Variants in SLC30A8 observed in about 807,000 individuals in gnomAD.
SLC30A8 encodes proton-coupled zinc antiporter SLC30A8.
Under a neutral mutation model 36.9 loss-of-function variants are expected in SLC30A8, and 27 were observed. The observed-to-expected ratio is 0.73, with a 90% CI of 0.54 to 1.01. SLC30A8 has a LOEUF of 1.01. SLC30A8 is among the 50% of genes least tolerant of loss of function. The probability of loss-of-function intolerance (pLI) is 0.00; values close to 1 mark genes in which losing one functional copy is unlikely to be tolerated. For missense variants in SLC30A8, 439 were observed against 452.0 expected (o/e 0.97, Z 0.26); for synonymous variants, 164 against 172.4 (o/e 0.95, Z 0.38).
At chr8:117,107,312 G>A (rs1481759790) in intron 2 of SLC30A8, among the ~76,000 whole-genome samples, 1 of 152,110 alleles carries the variant, frequency 6.6e-6, no homozygotes, top group Admixed American at 6.6e-5. Flanking sequence ...GTTTGCTTCT[G>A]CTCTTTTTAG....
chr8:117,016,641 A>G (rs1398021304), intron 1 of SLC30A8, among the ~76,000 whole-genome samples: 1 of 152,216 alleles, frequency 6.6e-6, no homozygotes, highest in Admixed American at 6.5e-5. Flanking sequence ...CACATATTTT[A>G]TATATATTTA....
intron 6 of SLC30A8, among the ~76,000 whole-genome samples, chr8:117,170,405 A>G (rs1214996478): frequency 1.3e-5 from 2 of 152,184 alleles, no homozygotes; most frequent in Non-Finnish European, 2.9e-5. Context: ...GCATCCTCCA[A>G]TGTAGCTAAA....
At chr8:116,958,489 A>T (rs1214929914) in intron 1 of SLC30A8, among the ~76,000 whole-genome samples, 1 of 152,152 alleles carries the variant, frequency 6.6e-6, no homozygotes, top group Non-Finnish European at 1.5e-5. Context: ...AGTGCTTTAA[A>T]GATGATTCTT....
chr8:117,055,880 A>T (rs773532054), intron 2 of SLC30A8: 1 of 152,174 alleles, frequency 6.6e-6, no homozygotes, highest in Non-Finnish European at 1.5e-5. Context: ...GAAACAAATG[A>T]AGAGGGATCT....
At chr8:117,109,362 T>C (rs1820127697) in intron 2 of SLC30A8, among the ~76,000 whole-genome samples, 1 of 152,158 alleles carries the variant, frequency 6.6e-6, no homozygotes, top group Non-Finnish European at 1.5e-5. Context: ...ATTTTATAAA[T>C]GAAAAAGTTG....
intron 2 of SLC30A8, among the ~76,000 whole-genome samples, chr8:117,059,566 C>T (rs1817969589): frequency 6.6e-6 from 1 of 152,180 alleles, no homozygotes; most frequent in African/African-American, 2.4e-5. Context: ...TCCTACACCC[C>T]TACTCATGAA....
At chr8:117,117,945 T>G (rs1403838423) in intron 2 of SLC30A8, among the ~76,000 whole-genome samples, 1 of 151,938 alleles carries the variant, frequency 6.6e-6, no homozygotes, top group Non-Finnish European at 1.5e-5. Context: ...AGAAATAGTG[T>G]TCTGGAAAAG....
intron 2 of SLC30A8, among the ~76,000 whole-genome samples, chr8:117,045,222 T>C (rs1817513258): frequency 6.6e-6 from 1 of 152,182 alleles, no homozygotes; most frequent in Non-Finnish European, 1.5e-5. Context: ...GTTCTGGTTT[T>C]TCTAGTGGAG....
At chr8:117,120,918 A>G (rs1021138759) in intron 2 of SLC30A8, among the ~76,000 whole-genome samples, 3 of 151,874 alleles carry the variant, frequency 2.0e-5, no homozygotes, top group Admixed American at 2.0e-4. Context: ...AATGCACCTG[A>G]AAAGCCACAA....
intron 6 of SLC30A8, among the ~76,000 whole-genome samples, chr8:117,165,276 A>G (rs1351266348): frequency 6.6e-6 from 1 of 152,224 alleles, no homozygotes; most frequent in African/African-American, 2.4e-5. Context: ...CATTATGTCT[A>G]GAACACAGTA....
intron 1 of SLC30A8, among the ~76,000 whole-genome samples, chr8:116,982,374 C>T (rs1815297792): frequency 6.6e-6 from 1 of 151,764 alleles, no homozygotes; most frequent in Non-Finnish European, 1.5e-5. Context: ...TTAAGCAAAA[C>T]AATATGTAGG....
chr8:117,154,199 A>T (rs186253432), intron 3 of SLC30A8, among the ~76,000 whole-genome samples: 14 of 152,210 alleles, frequency 9.2e-5, no homozygotes, highest in Non-Finnish European at 1.6e-4. Context: ...TCATCTAGGT[A>T]TTGATAAGGG....
chr8:117,128,494 G>T (rs1028911954), intron 2 of SLC30A8: 4 of 152,038 alleles, frequency 2.6e-5, no homozygotes, highest in Non-Finnish European at 4.4e-5. Flanking sequence ...AACACACAAA[G>T]AATTTGATAA....
At chr8:117,076,290 A>G (rs1473576390) in intron 2 of SLC30A8, among the ~76,000 whole-genome samples, 1 of 152,214 alleles carries the variant, frequency 6.6e-6, no homozygotes, top group Admixed American at 6.5e-5. Context: ...ATAAATGTCT[A>G]AAGAGGAGAA....
intron 2 of SLC30A8, among the ~76,000 whole-genome samples, chr8:117,040,485 C>T (rs1268946888): frequency 6.6e-6 from 1 of 152,162 alleles, no homozygotes; most frequent in Non-Finnish European, 1.5e-5. Flanking sequence ...AGGAAAATGG[C>T]ATTAGCTACT....
chr8:117,132,773 G>T (rs1384734304), upstream of SLC30A8, among the ~76,000 whole-genome samples: 1 of 151,992 alleles, frequency 6.6e-6, no homozygotes, highest in Non-Finnish European at 1.5e-5. Flanking sequence ...TGACGGTGCA[G>T]TTAAAATGAA....
chr8:117,110,641 A>G (rs1586534167), intron 2 of SLC30A8, among the ~76,000 whole-genome samples: 1 of 152,280 alleles, frequency 6.6e-6, no homozygotes, highest in East Asian at 1.9e-4. Flanking sequence ...GAGAGGATCA[A>G]GGAATGGGCT....
At chr8:116,992,435 G>A (rs748176688) in intron 1 of SLC30A8, among the ~76,000 whole-genome samples, 18 of 152,070 alleles carry the variant, frequency 1.2e-4, no homozygotes, top group Non-Finnish European at 1.8e-4. Context: ...GAATGTACAC[G>A]ATGAGCCCTA....
At chr8:117,011,215 G>C (rs1396689848) in intron 1 of SLC30A8, among the ~76,000 whole-genome samples, 1 of 152,162 alleles carries the variant, frequency 6.6e-6, no homozygotes, top group African/African-American at 2.4e-5. Context: ...ACATGGAGGA[G>C]CCCCTGAAAC....
Sources: allele counts gnomAD v4.1 joint callset (sites outside exome capture counted in the v4.1 genomes callset), GRCh38; gene constraint gnomAD v4.1.1; transcripts MANE v1.5; gene names NCBI Gene and HGNC (gene_info 2026-07-23, HGNC 2026-07-21).